MBTPS1: variants seen among roughly 807,000 people sequenced by gnomAD.
The protein encoded by MBTPS1 is membrane bound transcription factor peptidase, site 1.
In MBTPS1, 94 loss-of-function variants were observed where a neutral mutation model predicts 127.8. The observed-to-expected ratio is 0.74, with a 90% confidence interval of 0.62 to 0.87. The LOEUF (loss-of-function observed/expected upper bound fraction) is 0.87, where lower values mean the gene tolerates loss of function less well. Among genes scored for constraint, MBTPS1 ranks in the 40% least tolerant of loss-of-function variants. MBTPS1 has a pLI of 0.00. For synonymous variants in MBTPS1, 632 were observed against 509.4 expected (o/e 1.24, Z -3.24); for missense variants, 1,636 against 1,353.2 (o/e 1.21, Z -3.28).
At chr16:84,072,735 A>G (rs1416744659) in intron 12 of MBTPS1, among the ~76,000 whole-genome samples, 1 of 152,154 alleles carries the variant, frequency 6.6e-6, no homozygotes, top group Non-Finnish European at 1.5e-5. Context: ...GCTTGCAGTG[A>G]GCCGAGATCG....
In MBTPS1 at chr16:84,091,154, C is replaced by T. The variant is rs576855428; in HGVS notation, c.964-212G>A. 9.9e-5 allele frequency among the ~76,000 whole-genome samples: 15 copies of T among 152,276 alleles called. No homozygotes were observed. In the South Asian group the frequency reaches 1.0e-3, roughly 11 times the overall value. ...AGTGCACAGAGCAGATGCTGACTTT[C>T]TAGTCACTTTGAGGAAAACACGAAT... On this transcript the variant is annotated intron_variant, in intron 7 of 22. Coordinates refer to ENST00000343411, the MANE Select transcript of MBTPS1 (RefSeq NM_003791.4).
intron 17 of MBTPS1, among the ~76,000 whole-genome samples, chr16:84,066,093 G>T (rs764019733): frequency 1.3e-5 from 2 of 152,138 alleles, no homozygotes; most frequent in Non-Finnish European, 2.9e-5. Flanking sequence ...CTGCAGAATG[G>T]GTAGTAAGAA....
intron 3 of MBTPS1, among the ~76,000 whole-genome samples, chr16:84,098,517 G>A (rs1268744537): frequency 4.2e-5 from 6 of 144,452 alleles, no homozygotes; most frequent in African/African-American, 1.6e-4. Flanking sequence ...GGCTAAGGCA[G>A]GAGAATCACT....
At chr16:84,115,384 G>A (rs2151177822) in intron 1 of MBTPS1, among the ~76,000 whole-genome samples, 1 of 152,306 alleles carries the variant, frequency 6.6e-6, no homozygotes, top group African/African-American at 2.4e-5. Context: ...GCAGTCGTTT[G>A]ACACGTGTCT....
At chr16:84,111,895 A>G (rs1198056782) in intron 1 of MBTPS1, among the ~76,000 whole-genome samples, 3 of 133,958 alleles carry the variant, frequency 2.2e-5, no homozygotes, top group Non-Finnish European at 4.9e-5. Flanking sequence ...AAATGTGTCT[A>G]TGAGCAAAAA....
At chr16:84,093,329 A>C (rs375656475) in intron 5 of MBTPS1, 32 bp from the exon 6 acceptor site, 35 of 1,401,312 alleles carry the variant, frequency 2.5e-5, no homozygotes, top group African/African-American at 2.1e-4. Context: ...ATCCCATAAA[A>C]CACACTGAAT....
intron 2 of MBTPS1, among the ~76,000 whole-genome samples, chr16:84,099,963 T>C (rs919887744): frequency 1.3e-5 from 2 of 152,206 alleles, no homozygotes; most frequent in African/African-American, 4.8e-5. Flanking sequence ...TCAGTTAGTG[T>C]TTCTTAAAAC....
chr16:84,114,035 G>GC (rs1409926969), intron 1 of MBTPS1, among the ~76,000 whole-genome samples: 3 of 148,172 alleles, frequency 2.0e-5, no homozygotes, highest in Admixed American at 1.4e-4. Context: ...CGCGATCTCA[G>GC]CTCACTGCAA....
intron 7 of MBTPS1, 102 bp from the exon 8 acceptor site, chr16:84,091,044 A>C (rs1314821550): frequency 1.1e-6 from 1 of 902,584 alleles, no homozygotes; most frequent in African/African-American, 1.7e-5. Flanking sequence ...AACAGTTCTA[A>C]AAAAGCAGCA....
intron 1 of MBTPS1, among the ~76,000 whole-genome samples, chr16:84,113,837 T>G (rs537126022): frequency 2.0e-5 from 3 of 152,264 alleles, no homozygotes; most frequent in African/African-American, 7.2e-5. Flanking sequence ...CAATTAAAAG[T>G]CGGCTGAAAA....
chr16:84,114,445 G>C (rs78445284), intron 1 of MBTPS1, among the ~76,000 whole-genome samples: 3 of 151,870 alleles, frequency 2.0e-5, no homozygotes, highest in African/African-American at 7.3e-5. Flanking sequence ...CATCACTCTT[G>C]TCTCCTTTTA....
rs116488836 is a variant in MBTPS1 at position 84,079,490 on chromosome 16, A to G, written c.1448+2257T>C. Among the ~76,000 whole-genome samples, 582 of 152,362 alleles carry G rather than the reference A, an allele frequency of 3.8e-3. 7 individuals are homozygous for G. The highest frequency in any genetic ancestry group is 0.014 in the African/African-American group (575 of 41,590). On this transcript the variant is annotated intron_variant, in intron 11 of 22. Transcript: ENST00000343411. ...GAATTAACCTAAGTAACTGAAAAAA[A>G]CACTATAACTGTATTCTGTAGGGCC...
At chr16:84,070,153 T>G (rs540311405) in intron 13 of MBTPS1, 115 bp from the exon 14 acceptor site, 2 of 869,774 alleles carry the variant, frequency 2.3e-6, no homozygotes, top group East Asian at 5.0e-5. Context: ...ACACAAGAAT[T>G]TCCAATAACA....
intron 21 of MBTPS1, chr16:84,057,217 C>T (rs1048948269): frequency 1.2e-4 from 18 of 152,332 alleles, no homozygotes; most frequent in African/African-American, 4.1e-4. Context: ...CATTATAACC[C>T]GCCCTATTTT....
intron 12 of MBTPS1, among the ~76,000 whole-genome samples, chr16:84,073,178 G>A (rs1012631204): frequency 2.0e-5 from 3 of 152,192 alleles, no homozygotes; most frequent in Non-Finnish European, 4.4e-5. Flanking sequence ...TCTGTCACCA[G>A]GTTGGAGTAC....
chr16:84,062,935 G>A (rs1029165794), intron 19 of MBTPS1, among the ~76,000 whole-genome samples: 1 of 152,192 alleles, frequency 6.6e-6, no homozygotes, highest in Non-Finnish European at 1.5e-5. Context: ...GCCCCCTCGT[G>A]GCAGTGCCCA....
At position 84,059,282 on chromosome 16, in the gene MBTPS1, G is replaced by C. The variant is rs772053437; in HGVS notation, c.2831+20C>G. On this transcript the variant is annotated intron_variant, in intron 21 of 22. Transcript: ENST00000343411. Reference sequence around the variant, plus strand: ...CACAAGCCCCGTGGAAAGAGTGGAAGGGCACAGGCGGACACTAACCTGGGC... The same window carrying C: ...CACAAGCCCCGTGGAAAGAGTGGAACGGCACAGGCGGACACTAACCTGGGC... The C allele has an allele frequency of 1.9e-6, 3 of 1,605,300 alleles. No individual in the cohort carries two copies. Among genetic ancestry groups the C allele is most frequent in the East Asian group, 2.2e-5 (1 of 44,636 alleles).
chr16:84,091,907 C>T (rs780300911), intron 6 of MBTPS1, 59 bp from the exon 7 acceptor site: 87 of 975,780 alleles, frequency 8.9e-5, no homozygotes, highest in Non-Finnish European at 1.3e-4. Context: ...AGTGCTAGGA[C>T]AGTTTTTATT....
intron 21 of MBTPS1, among the ~76,000 whole-genome samples, chr16:84,058,960 G>C (rs1177665892): frequency 6.6e-6 from 1 of 152,186 alleles, no homozygotes; most frequent in Non-Finnish European, 1.5e-5. Flanking sequence ...ATCAATGTCT[G>C]AAACAGGGAA....
Sources: allele counts gnomAD v4.1 joint callset (sites outside exome capture counted in the v4.1 genomes callset), GRCh38; gene constraint gnomAD v4.1.1; transcripts MANE v1.5; gene names NCBI Gene and HGNC (gene_info 2026-07-23, HGNC 2026-07-21).